Variants in ABL1 observed in about 807,000 individuals in gnomAD.
ABL1 encodes the protein tyrosine-protein kinase ABL1.
Under a neutral mutation model 94.7 loss-of-function variants are expected in ABL1, and 11 were observed. The observed-to-expected ratio is 0.12, with a 90% CI of 0.07 to 0.19. The LOEUF is 0.19. Among genes scored for constraint, ABL1 ranks in the 10% least tolerant of loss-of-function variants. ABL1 has a pLI of 1.00. For synonymous variants in ABL1, 656 were observed against 622.4 expected, an observed-to-expected ratio of 1.05 and a Z score of -0.80; for missense variants, 1,082 against 1,489.4, an observed-to-expected ratio of 0.73 and a Z score of 4.50.
At chr9:130,817,929 A>C (rs1830310594) in intron 1 of ABL1, among the ~76,000 whole-genome samples, 1 of 152,218 alleles carries the variant, frequency 6.6e-6, no homozygotes, top group Non-Finnish European at 1.5e-5. Flanking sequence ...TGGTGTGGAC[A>C]TAAGTTTTCA....
chr9:130,758,779 G>A (rs2132743950), intron 1 of ABL1, among the ~76,000 whole-genome samples: 1 of 152,282 alleles, frequency 6.6e-6, no homozygotes. Flanking sequence ...TGTGCAGTTG[G>A]GTGTTGTCAT....
chr9:130,761,660 C>A (rs112338199), intron 1 of ABL1, among the ~76,000 whole-genome samples: 3 of 152,252 alleles, frequency 2.0e-5, no homozygotes, highest in Non-Finnish European at 4.4e-5. Context: ...GTGATCAGAA[C>A]ACCCACATTA....
chr9:130,804,034 C>G (rs543989684), intron 1 of ABL1, among the ~76,000 whole-genome samples: 3 of 151,664 alleles, frequency 2.0e-5, no homozygotes, highest in East Asian at 3.9e-4. Flanking sequence ...GTTCTTCAGC[C>G]CAAGAGACTG....
chr9:130,750,630 TTTTC>T (rs1279907788), intron 1 of ABL1, among the ~76,000 whole-genome samples: 2 of 137,798 alleles, frequency 1.5e-5, no homozygotes, highest in Non-Finnish European at 3.0e-5. Flanking sequence ...TCTTTTTCTT[TTTTC>T]TTTTTCTTTC....
intron 1 of ABL1, among the ~76,000 whole-genome samples, chr9:130,837,718 C>A (rs1229616843): frequency 6.6e-6 from 1 of 152,142 alleles, no homozygotes; most frequent in African/African-American, 2.4e-5. Flanking sequence ...CTTTAACAAG[C>A]CTCAGCGATA....
In ABL1 at chr9:130,835,727, T is replaced by C. The variant is rs186297649; in HGVS notation, c.79+202T>C. ...CTTTCTTTCTCTCTGTGTCTGTCTC[T>C]TTTCTCTTCTCTTGTCTCTCTCTTT... is the stretch of plus-strand genomic sequence containing the variant. On this transcript the variant is annotated intron_variant, in intron 1 of 10. Transcript: ENST00000318560. This position sits in a 1 kb window ranked among gnomAD's most constrained non-coding sequence, Gnocchi z 4.6. 6.6e-6 allele frequency among the ~76,000 whole-genome samples: 1 copy of C among 150,966 alleles called. No homozygotes were observed. Among genetic ancestry groups the C allele is most frequent in the African/African-American group, 2.4e-5 (1 of 41,256 alleles).
At chr9:130,798,819 G>T (rs1830015580) in intron 1 of ABL1, among the ~76,000 whole-genome samples, 1 of 151,790 alleles carries the variant, frequency 6.6e-6, no homozygotes, top group South Asian at 2.1e-4. Flanking sequence ...ATACAAAAAA[G>T]AATTAGCTGG....
At position 130,873,010 on chromosome 9, in the gene ABL1, A is replaced by C. The variant is rs1362587735; in HGVS notation, c.1058A>C (p.Tyr353Ser). 6.2e-7 allele frequency: 1 copy of C among 1,613,816 alleles called. No homozygotes were observed. ...MATQISSAME[Y>S]LEKKNFIHRD... The stretch of plus-strand genomic sequence containing the variant: ...ACTCAGATCTCGTCAGCCATGGAGT[A>C]CCTGGAGAAGAAAAACTTCATCCAC... The change falls in exon 6 of 11, where the codon TAC becomes TCC. Residue 353 changes from tyrosine to serine, a missense_variant. Around this residue, in one of 7 missense-constraint regions of ABL1, gnomAD observed 92 missense variants for 212.3 expected, o/e 0.43. Transcript: ENST00000318560.
In ABL1 at chr9:130,766,910, A is replaced by G. The variant is rs374961414; in HGVS notation, c.136+52455A>G. 1.1e-4 allele frequency among the ~76,000 whole-genome samples: 17 copies of G among 152,164 alleles called. No homozygotes were observed. In the South Asian group the frequency reaches 2.1e-3, roughly 19 times the overall value. On this transcript the variant is annotated intron_variant, in intron 1 of 10. Coordinates refer to the ABL1 transcript ENST00000372348. ...TCACTACCCAGTTTCCTGTCCCTCG[A>G]TGGGTACCCATCTCAGTTAGAGTAA...
chr9:130,861,408 T>C (rs756849649), intron 3 of ABL1, among the ~76,000 whole-genome samples: 10 of 152,238 alleles, frequency 6.6e-5, no homozygotes, highest in Non-Finnish European at 1.5e-4. Context: ...TTGAGAGTTG[T>C]CAATGGGACT....
chr9:130,814,888 ATAAAATAAAAATAAAGTTTAG>A lies in ABL1; in HGVS notation c.137-39164_137-39144del, dbSNP rs2132864686. Among the ~76,000 whole-genome samples the A allele has an allele frequency of 6.9e-6, 1 of 145,124 alleles. No homozygotes were observed. The highest frequency in any genetic ancestry group is 1.5e-5 in the Non-Finnish European group (1 of 67,960). On this transcript the variant is annotated intron_variant, in intron 1 of 10. Transcript: ENST00000372348. This position sits in a 1 kb window ranked among gnomAD's most constrained non-coding sequence, Gnocchi z 4.4. ...CCAGACTCTGTCTCAAAAAAATAAA[ATAAAATAAAAATAAAGTTTAG>A]TAAAATAAAAAAAATCAGTAAAATA...
In ABL1 at chr9:130,790,465, T is replaced by TTTTATTTATTTA. The variant is rs57807270; in HGVS notation, c.137-63574_137-63563dup. Among the ~76,000 whole-genome samples, 1,289 of 148,006 alleles carry TTTTATTTATTTA rather than the reference T, an allele frequency of 8.7e-3. 10 individuals carry two copies. The highest frequency in any genetic ancestry group is 0.03 in the African/African-American group (1,196 of 40,512). ...TGCATTCTACTTTCTTTCATTTTTA[T>TTTTATTTATTTA]TTTATTTATTTATTTATTTATTTAT... On this transcript the variant is annotated intron_variant, in intron 1 of 10. Transcript: ENST00000372348.
chr9:130,836,053 C>T (rs1465884671), intron 1 of ABL1, among the ~76,000 whole-genome samples: 1 of 152,278 alleles, frequency 6.6e-6, no homozygotes, highest in Non-Finnish European at 1.5e-5. Context: ...ACAAGGAGCA[C>T]CACTCTACCA....
intron 1 of ABL1, among the ~76,000 whole-genome samples, chr9:130,800,052 T>G (rs1830034559): frequency 6.6e-6 from 1 of 151,932 alleles, no homozygotes; most frequent in Non-Finnish European, 1.5e-5. Context: ...TTTGTATTTT[T>G]TAGGAGAGAC....
intron 1 of ABL1, among the ~76,000 whole-genome samples, chr9:130,772,296 T>G (rs780600923): frequency 6.6e-6 from 1 of 152,204 alleles, no homozygotes; most frequent in Non-Finnish European, 1.5e-5. Flanking sequence ...TGAAGGATTT[T>G]CATCCTTCAT....
intron 1 of ABL1, among the ~76,000 whole-genome samples, chr9:130,716,791 C>T (rs933002361): frequency 6.6e-6 from 1 of 151,780 alleles, no homozygotes; most frequent in African/African-American, 2.4e-5. Context: ...GCTCTTGTCG[C>T]CCGGGCTGGA....
In ABL1 at chr9:130,885,828, T is replaced by A. The variant is rs1831572095; in HGVS notation, c.*145T>A. On this transcript the variant is annotated 3_prime_UTR_variant, in exon 11 of 11. Coordinates refer to ENST00000318560, the MANE Select transcript of ABL1 (RefSeq NM_005157.6). ...CTGCGCCAGGCAGAGCTGAGGGCCCTGTGGAGTCCAGCTCTACTACCTACG... is the reference window on the plus strand; with the variant it reads ...CTGCGCCAGGCAGAGCTGAGGGCCCAGTGGAGTCCAGCTCTACTACCTACG... 1 of 1,114,356 alleles carries A rather than the reference T, an allele frequency of 9.0e-7. No homozygotes were observed. The highest frequency in any genetic ancestry group is 1.2e-6 in the Non-Finnish European group (1 of 803,694). 69.0% of individuals were successfully genotyped at this position (1,114,356 alleles called of 1,614,324 possible).
chr9:130,883,084 G>A (rs770613750), intron 10 of ABL1, among the ~76,000 whole-genome samples: 2 of 152,170 alleles, frequency 1.3e-5, no homozygotes, highest in Non-Finnish European at 2.9e-5. Flanking sequence ...CCATCCCTGA[G>A]GCCAGGCAAG....
rs34492912 is a variant in ABL1, at chr9:130,848,517, CAA to C, written c.80-5529_80-5528del. On this transcript the variant is annotated intron_variant, in intron 1 of 10. Transcript: ENST00000318560. Reference sequence around the variant, plus strand: ...TGGGCGATGGAGTGAGACTCCAACTCAAAAAAAAAAAAAAAAAAATTTCAATT... The same window carrying C: ...TGGGCGATGGAGTGAGACTCCAACTCAAAAAAAAAAAAAAAAATTTCAATT... Among the ~76,000 whole-genome samples the C allele has an allele frequency of 9.1e-3, 785 of 86,486 alleles. 13 individuals are homozygous for C. The highest frequency in any genetic ancestry group is 0.025 in the African/African-American group (678 of 26,750). 56.7% of individuals were successfully genotyped at this position (86,486 alleles called of 152,430 possible). A position where few individuals can be genotyped will look rare whatever the true frequency, so the allele number is the denominator to read the frequency against.
Sources: gnomAD v4.1 joint callset for allele counts (sites outside exome capture counted in the v4.1 genomes callset) on GRCh38, gnomAD v4.1.1 for gene constraint, gnomAD v4.1.1 regional missense constraint, Gnocchi (gnomAD v3.1) non-coding constraint, MANE v1.5 for transcripts, NCBI Gene and HGNC (gene_info 2026-07-23, HGNC 2026-07-21) for gene names.